Variants in VPS13A observed in about 807,000 individuals in gnomAD.
VPS13A encodes the protein intermembrane lipid transfer protein VPS13A.
VPS13A carries 264 observed loss-of-function variants against 390.9 expected under a neutral mutation model. The observed-to-expected ratio is 0.68, with a 90% CI of 0.61 to 0.75. The LOEUF (loss-of-function observed/expected upper bound fraction) is 0.75, where lower values mean the gene tolerates loss of function less well. Ranked by LOEUF, VPS13A falls within the 30% of genes least tolerant of loss-of-function variation. The pLI, the probability that VPS13A is intolerant of heterozygous loss-of-function variation, is 0.00. For synonymous variants in VPS13A, 1,231 were observed against 1,227.1 expected (o/e 1.00, Z -0.07); for missense variants, 3,409 against 3,733.9 (o/e 0.91, Z 2.27).
At chr9:77,279,903 T>C (rs920605687) in intron 26 of VPS13A, 4 of 255,498 alleles carry the variant, frequency 1.6e-5, no homozygotes, top group African/African-American at 9.0e-5. Context: ...TTTCTTACCT[T>C]ACCTCCTATC....
intron 46 of VPS13A, among the ~76,000 whole-genome samples, chr9:77,333,087 G>C (rs1479188927): frequency 6.6e-6 from 1 of 152,126 alleles, no homozygotes; most frequent in Non-Finnish European, 1.5e-5. Context: ...GCTCTAGAGA[G>C]GATTTGGGGT....
intron 17 of VPS13A, among the ~76,000 whole-genome samples, chr9:77,237,030 C>T (rs530390630): frequency 6.6e-6 from 1 of 152,206 alleles, no homozygotes; most frequent in East Asian, 1.9e-4. Context: ...GCTGGGATTA[C>T]AGGCATGTAC....
At chr9:77,349,981 A>T (rs1190521744) in intron 52 of VPS13A, among the ~76,000 whole-genome samples, 1 of 152,156 alleles carries the variant, frequency 6.6e-6, no homozygotes, top group South Asian at 2.1e-4. Context: ...ACCCATTTGT[A>T]ATCATTGTAA....
chr9:77,293,206 C>A, intron 31 of VPS13A, 135 bp from the exon 32 acceptor site: 2 of 728,426 alleles, frequency 2.7e-6, no homozygotes, highest in South Asian at 4.1e-5. Flanking sequence ...AGAATTGTTG[C>A]CTCATTTGTA....
intron 67 of VPS13A, among the ~76,000 whole-genome samples, chr9:77,372,150 C>A (rs1372430303): frequency 6.6e-6 from 1 of 151,516 alleles, no homozygotes; most frequent in African/African-American, 2.4e-5. Flanking sequence ...GATTTATAGT[C>A]CTTTGGGTAT....
chr9:77,221,309 A>C lies in VPS13A; in HGVS notation c.1114A>C (p.Lys372Gln). ...VKQYKELYKKKLTSKKPPGEL... is the reference protein window; with the variant it reads ...VKQYKELYKKQLTSKKPPGEL... The stretch of plus-strand genomic sequence containing the variant: ...GCAATATAAAGAACTGTATAAAAAA[A>C]AGTTAACAAGTAAGAAGCCACCTGG... Residue 372 changes from lysine to glutamine, a missense_variant, in exon 13 of 72, where the codon AAG becomes CAG. This residue lies in a region of VPS13A where 2,717 missense variants were observed against 2,917.4 expected (regional missense o/e 0.93). Transcript: ENST00000360280. 1.4e-5 allele frequency: 23 copies of C among 1,613,372 alleles called. No individual in the cohort carries two copies. Among genetic ancestry groups the C allele is most frequent in the Non-Finnish European group, 1.9e-5 (23 of 1,179,502 alleles).
intron 47 of VPS13A, chr9:77,338,135 G>C (rs890293067): frequency 2.6e-5 from 4 of 151,964 alleles, no homozygotes; most frequent in African/African-American, 9.7e-5. Context: ...GCCATGCCTG[G>C]ATAATATTTT....
At chr9:77,376,636 A>G (rs1267271399) in intron 67 of VPS13A, among the ~76,000 whole-genome samples, 1 of 152,200 alleles carries the variant, frequency 6.6e-6, no homozygotes, top group Non-Finnish European at 1.5e-5. Context: ...GGGAAAGGGT[A>G]TTAGACATTT....
At chr9:77,225,822 A>T in intron 13 of VPS13A, 104 bp from the exon 14 acceptor site, 2 of 855,858 alleles carry the variant, frequency 2.3e-6, no homozygotes, top group Non-Finnish European at 3.9e-6. Flanking sequence ...TTTGCTTCCT[A>T]TTATATCTTT....
Position 77,340,175 on chromosome 9 carries a change from T to C in VPS13A, c.6775-3T>C, listed in dbSNP as rs1830737687. The C allele has an allele frequency of 6.2e-7, 1 of 1,612,308 alleles. No individual in the cohort carries two copies. The highest frequency in any genetic ancestry group is 1.7e-5 in the Admixed American group (1 of 60,014). On this transcript the variant is annotated splice_region_variant and splice_polypyrimidine_tract_variant and intron_variant, in intron 48 of 71. Coordinates refer to ENST00000360280, the MANE Select transcript of VPS13A (RefSeq NM_033305.3). ...TGATGTATTTGGAATATTTTTTTCC[T>C]AGGTTCAACTTATGGTAACTGATAG... is the stretch of plus-strand genomic sequence containing the variant.
chr9:77,293,320 A>G, intron 31 of VPS13A, 21 bp from the exon 32 acceptor site: 1 of 1,591,046 alleles, frequency 6.3e-7, no homozygotes, highest in South Asian at 1.1e-5. Context: ...GATTGTGATA[A>G]TTAAATTTTC....
At chr9:77,390,627 C>T (rs762674900) in intron 68 of VPS13A, among the ~76,000 whole-genome samples, 7 of 142,230 alleles carry the variant, frequency 4.9e-5, no homozygotes, top group South Asian at 4.9e-4. Flanking sequence ...CATTTCCCAC[C>T]GCCCGCCACC....
In VPS13A at chr9:77,272,354, T is replaced by C. The variant is rs559211466; in HGVS notation, c.2428-926T>C. Among the ~76,000 whole-genome samples the C allele has an allele frequency of 1.6e-4, 25 of 152,282 alleles. No homozygotes were observed. In the South Asian group the frequency reaches 5.2e-3, roughly 32 times the overall value. On this transcript the variant is annotated intron_variant, in intron 23 of 71. Transcript: ENST00000360280. ...GGTGAACATATATAATTTTACTGTT[T>C]GGGAAAGTTTTATCCACAAGCACCT...
At chr9:77,190,484 T>C (rs1191536906) in intron 1 of VPS13A, among the ~76,000 whole-genome samples, 1 of 152,252 alleles carries the variant, frequency 6.6e-6, no homozygotes, top group Non-Finnish European at 1.5e-5. Context: ...TTTACCATTT[T>C]GTTGAAGATT....
intron 59 of VPS13A, 58 bp downstream of exon 59, chr9:77,360,699 A>C (rs1365214446): frequency 1.5e-6 from 2 of 1,329,234 alleles, no homozygotes; most frequent in African/African-American, 2.9e-5. Context: ...TATTATTATA[A>C]ATTTTTAAAG....
intron 1 of VPS13A, among the ~76,000 whole-genome samples, chr9:77,178,597 G>A (rs554202609): frequency 2.0e-5 from 3 of 152,298 alleles, no homozygotes; most frequent in Admixed American, 1.3e-4. Context: ...GCAAAAGACC[G>A]GGCTGAACAG....
intron 33 of VPS13A, among the ~76,000 whole-genome samples, chr9:77,297,994 T>G (rs897471383): frequency 2.6e-5 from 4 of 152,064 alleles, no homozygotes. Flanking sequence ...TAACTGATGG[T>G]TGAATGGGTG....
chr9:77,407,326 G>A (rs969501420), intron 70 of VPS13A, among the ~76,000 whole-genome samples: 2 of 152,152 alleles, frequency 1.3e-5, no homozygotes, highest in African/African-American at 2.4e-5. Context: ...CTTAGGTTTA[G>A]TGATAATGGT....
At chr9:77,366,912 T>G in intron 61 of VPS13A, 40 bp downstream of exon 61, 1 of 1,596,586 alleles carries the variant, frequency 6.3e-7, no homozygotes, top group African/African-American at 1.3e-5. Context: ...ATGGAAATAT[T>G]TCTATTTTAT....
Sources: allele counts gnomAD v4.1 joint callset (sites outside exome capture counted in the v4.1 genomes callset), GRCh38; gene constraint gnomAD v4.1.1; regional missense constraint gnomAD v4.1.1; transcripts MANE v1.5; gene names NCBI Gene and HGNC (gene_info 2026-07-23, HGNC 2026-07-21).